Variants in COP1 observed in about 807,000 individuals in gnomAD.
COP1 encodes E3 ubiquitin-protein ligase COP1.
COP1 carries 24 observed loss-of-function variants against 101.3 expected under a neutral mutation model. That is an observed-to-expected ratio of 0.24 (90% CI 0.17 to 0.33). The LOEUF is 0.33. Ranked by LOEUF, COP1 falls within the 10% of genes least tolerant of loss-of-function variation. The pLI, the probability that COP1 is intolerant of heterozygous loss-of-function variation, is 1.00. For synonymous variants in COP1, 347 were observed against 341.9 expected, an observed-to-expected ratio of 1.01 and a Z score of -0.17; for missense variants, 663 against 906.2, an observed-to-expected ratio of 0.73 and a Z score of 3.45.
At chr1:175,945,805 ACACT>A (rs1649098342) in intron 19 of COP1, among the ~76,000 whole-genome samples, 1 of 152,218 alleles carries the variant, frequency 6.6e-6, no homozygotes, top group Non-Finnish European at 1.5e-5. Flanking sequence ...GGACACTACA[ACACT>A]CACTAAGTAG....
chr1:176,114,832 C>T (rs924228830), intron 9 of COP1, among the ~76,000 whole-genome samples: 1 of 152,064 alleles, frequency 6.6e-6, no homozygotes, highest in Non-Finnish European at 1.5e-5. Flanking sequence ...ATCTGAAAAT[C>T]TAGAATTTAT....
intron 8 of COP1, among the ~76,000 whole-genome samples, chr1:176,130,544 TA>T (rs1558168347): frequency 6.6e-6 from 1 of 151,812 alleles, no homozygotes; most frequent in Non-Finnish European, 1.5e-5. Flanking sequence ...CTTAAAAGGT[TA>T]AAAAATTCAA....
At chr1:176,147,126 T>C (rs1182805443) in intron 6 of COP1, among the ~76,000 whole-genome samples, 2 of 152,204 alleles carry the variant, frequency 1.3e-5, no homozygotes, top group Non-Finnish European at 2.9e-5. Context: ...GGTAAATCTG[T>C]ATTTTACTTG....
At chr1:175,994,349 T>A (rs1248804697) in intron 15 of COP1, among the ~76,000 whole-genome samples, 3 of 152,010 alleles carry the variant, frequency 2.0e-5, no homozygotes, top group Non-Finnish European at 1.5e-5. Flanking sequence ...ACGAGCAAAA[T>A]AACCAGTTAA....
chr1:176,192,365 T>C (rs1699201590), intron 1 of COP1, among the ~76,000 whole-genome samples: 1 of 152,106 alleles, frequency 6.6e-6, no homozygotes, highest in Admixed American at 6.6e-5. Flanking sequence ...AAACCACAAG[T>C]AACAACAGTA....
intron 18 of COP1, among the ~76,000 whole-genome samples, chr1:175,980,707 G>C (rs1655638899): frequency 1.3e-5 from 2 of 151,940 alleles, no homozygotes; most frequent in Admixed American, 1.3e-4. Flanking sequence ...TGAGGATAGA[G>C]TGTACTTTTT....
intron 18 of COP1, among the ~76,000 whole-genome samples, chr1:175,978,366 T>C (rs1170644325): frequency 6.6e-6 from 1 of 152,196 alleles, no homozygotes; most frequent in African/African-American, 2.4e-5. Flanking sequence ...GTTGATTTTA[T>C]TATAATATTC....
At chr1:176,068,961 TG>T (rs1676493841) in intron 11 of COP1, among the ~76,000 whole-genome samples, 1 of 152,032 alleles carries the variant, frequency 6.6e-6, no homozygotes, top group South Asian at 2.1e-4. Flanking sequence ...CCAAGGCAGG[TG>T]GATCAATGGG....
At chr1:175,986,910 T>A in intron 18 of COP1, 33 bp downstream of exon 18, 2 of 1,455,342 alleles carry the variant, frequency 1.4e-6, no homozygotes, top group Non-Finnish European at 1.9e-6. Flanking sequence ...TAATATGAGA[T>A]CCCAAGGTGA....
intron 8 of COP1, chr1:176,133,801 G>C (rs1289972511): frequency 2.2e-6 from 1 of 445,724 alleles, no homozygotes; most frequent in Middle Eastern, 3.8e-4. Context: ...CATTATTAGT[G>C]AACTTTTTGT....
At chr1:176,083,405 T>C (rs369207585) in intron 10 of COP1, among the ~76,000 whole-genome samples, 1 of 152,122 alleles carries the variant, frequency 6.6e-6, no homozygotes, top group East Asian at 1.9e-4. Context: ...ACAGAAACCA[T>C]AAAGAAAACA....
At chr1:176,110,478 C>T (rs2149556683) in intron 9 of COP1, among the ~76,000 whole-genome samples, 1 of 152,312 alleles carries the variant, frequency 6.6e-6, no homozygotes. Flanking sequence ...CATTCGTAGA[C>T]ATATCTCTGC....
intron 11 of COP1, among the ~76,000 whole-genome samples, chr1:176,068,623 A>G (rs1676441486): frequency 6.6e-6 from 1 of 152,236 alleles, no homozygotes; most frequent in Non-Finnish European, 1.5e-5. Flanking sequence ...GATAACTAAG[A>G]GATAAAAGCA....
intron 8 of COP1, among the ~76,000 whole-genome samples, chr1:176,125,650 G>C (rs533857316): frequency 6.6e-6 from 1 of 152,220 alleles, no homozygotes; most frequent in East Asian, 1.9e-4. Flanking sequence ...TGTAAAATCA[G>C]GTAATAACGA....
chr1:175,984,958 G>T (rs552448730), intron 18 of COP1, among the ~76,000 whole-genome samples: 1 of 152,268 alleles, frequency 6.6e-6, no homozygotes, highest in African/African-American at 2.4e-5. Flanking sequence ...TGATTTTACA[G>T]ACTCATAGGC....
intron 14 of COP1, among the ~76,000 whole-genome samples, chr1:176,037,384 G>A (rs1227285941): frequency 6.6e-6 from 1 of 150,512 alleles, no homozygotes; most frequent in East Asian, 1.9e-4. Flanking sequence ...TCCAGCCTGG[G>A]CGACAGAGCA....
intron 9 of COP1, among the ~76,000 whole-genome samples, chr1:176,100,549 C>A (rs1036557573): frequency 6.6e-6 from 1 of 152,096 alleles, no homozygotes; most frequent in Non-Finnish European, 1.5e-5. Flanking sequence ...TAGTTTCCAG[C>A]TGCAGCTCAG....
At chr1:176,139,279 C>CAAAAAAAAAA (rs201417535) in intron 6 of COP1, among the ~76,000 whole-genome samples, 4 of 124,898 alleles carry the variant, frequency 3.2e-5, no homozygotes, top group South Asian at 2.4e-4. Flanking sequence ...AAAACAAAAA[C>CAAAAAAAAAA]AAAAAAAACA....
chr1:176,022,623 G>T (rs1411767711), intron 15 of COP1, among the ~76,000 whole-genome samples: 1 of 152,158 alleles, frequency 6.6e-6, no homozygotes, highest in Admixed American at 6.5e-5. Flanking sequence ...TTTTCTAGTT[G>T]TAAAGTTTTT....
Sources: gnomAD v4.1 joint callset for allele counts (sites outside exome capture counted in the v4.1 genomes callset) on GRCh38, gnomAD v4.1.1 for gene constraint, MANE v1.5 for transcripts, NCBI Gene and HGNC (gene_info 2026-07-23, HGNC 2026-07-21) for gene names.